Variants in SLC24A2 observed in about 807,000 individuals in gnomAD.
SLC24A2 encodes solute carrier family 24 member 2.
Under a neutral mutation model 62.0 loss-of-function variants are expected in SLC24A2, and 36 were observed. The ratio of observed to expected loss-of-function variants is 0.58; its 90% CI spans 0.44 to 0.77. The LOEUF is 0.77. Among genes scored for constraint, SLC24A2 ranks in the 30% least tolerant of loss-of-function variants. The pLI is 0.00. For missense variants in SLC24A2, 846 were observed against 817.9 expected (o/e 1.03, Z -0.42); for synonymous variants, 358 against 294.0 (o/e 1.22, Z -2.23).
chr9:20,082,248 T>A, the SLC24A2 span, among the ~76,000 whole-genome samples: 2 of 152,184 alleles, frequency 1.3e-5, no homozygotes, highest in African/African-American at 4.8e-5. Flanking sequence ...GCTACCGTAT[T>A]TTTTTGGGAT....
At chr9:19,995,619 T>G in the SLC24A2 span, among the ~76,000 whole-genome samples, 1 of 152,244 alleles carries the variant, frequency 6.6e-6, no homozygotes, top group Admixed American at 6.5e-5. Context: ...CTTTGAAGCA[T>G]TTAACACATT....
the SLC24A2 span, among the ~76,000 whole-genome samples, chr9:19,796,683 A>G: frequency 1.8e-4 from 27 of 152,200 alleles, no homozygotes; most frequent in Admixed American, 1.7e-3. Flanking sequence ...TTTTAAGGCA[A>G]TCCTTTCTTC....
At chr9:20,231,019 G>C in the SLC24A2 span, among the ~76,000 whole-genome samples, 1 of 152,052 alleles carries the variant, frequency 6.6e-6, no homozygotes, top group African/African-American at 2.4e-5. Flanking sequence ...GTTTTTGTCA[G>C]GTTTGTCAAA....
the SLC24A2 span, among the ~76,000 whole-genome samples, chr9:19,889,913 A>G: frequency 0.4 from 61,344 of 152,056 alleles, 12,945 homozygotes; most frequent in East Asian, 0.82. Context: ...TCTACCGACT[A>G]TCTCTTATCT....
At chr9:19,861,156 T>A in the SLC24A2 span, among the ~76,000 whole-genome samples, 6 of 152,132 alleles carry the variant, frequency 3.9e-5, no homozygotes. Context: ...TGGCTTTATG[T>A]GTGATCCAGT....
At chr9:19,553,056 G>A (rs1834921209) in intron 7 of SLC24A2, among the ~76,000 whole-genome samples, 1 of 152,104 alleles carries the variant, frequency 6.6e-6, no homozygotes, top group Non-Finnish European at 1.5e-5. Flanking sequence ...TCCTGCTACA[G>A]GGAAGTACAG....
intron 2 of SLC24A2, among the ~76,000 whole-genome samples, chr9:19,767,504 A>G (rs1202828314): frequency 6.6e-6 from 1 of 152,172 alleles, no homozygotes; most frequent in African/African-American, 2.4e-5. Flanking sequence ...TGGGCCAGAT[A>G]GCACTGTTCC....
the SLC24A2 span, among the ~76,000 whole-genome samples, chr9:19,901,953 C>T: frequency 2.0e-5 from 3 of 152,126 alleles, no homozygotes; most frequent in African/African-American, 7.2e-5. Flanking sequence ...ACATTGCTTA[C>T]CTTGAGGCCC....
At chr9:19,746,616 G>T (rs900938564) in intron 2 of SLC24A2, among the ~76,000 whole-genome samples, 24 of 152,132 alleles carry the variant, frequency 1.6e-4, no homozygotes, top group African/African-American at 5.8e-4. Context: ...TATTGATCCA[G>T]AGAATTATTT....
intron 2 of SLC24A2, among the ~76,000 whole-genome samples, chr9:19,622,548 A>T (rs1231629966): frequency 6.6e-6 from 1 of 152,214 alleles, no homozygotes; most frequent in Non-Finnish European, 1.5e-5. Flanking sequence ...ATGTCCAGCA[A>T]TACAGAGCAG....
chr9:20,081,016 T>C, the SLC24A2 span, among the ~76,000 whole-genome samples: 235 of 152,254 alleles, frequency 1.5e-3, 1 homozygote, highest in African/African-American at 5.6e-3. Context: ...AGGAACACTT[T>C]TACAATGTTG....
At chr9:19,924,447 A>T in the SLC24A2 span, among the ~76,000 whole-genome samples, 1 of 151,528 alleles carries the variant, frequency 6.6e-6, no homozygotes, top group African/African-American at 2.4e-5. Flanking sequence ...CTTGACTTAC[A>T]CCCCTTGTGG....
the SLC24A2 span, among the ~76,000 whole-genome samples, chr9:20,076,372 T>C: frequency 9.2e-5 from 14 of 152,266 alleles, no homozygotes; most frequent in African/African-American, 3.4e-4. Context: ...ACTCTCCTGG[T>C]GTGATGCTTT....
chr9:19,910,427 A>C, the SLC24A2 span, among the ~76,000 whole-genome samples: 2 of 152,136 alleles, frequency 1.3e-5, no homozygotes, highest in African/African-American at 4.8e-5. Context: ...TAGCTCCATT[A>C]AATCCACCTT....
chr9:19,683,753 C>G (rs1273781216), intron 2 of SLC24A2, among the ~76,000 whole-genome samples: 1 of 152,080 alleles, frequency 6.6e-6, no homozygotes, highest in Non-Finnish European at 1.5e-5. Flanking sequence ...ATAGCTAGAA[C>G]AGCTTTCTTG....
the SLC24A2 span, among the ~76,000 whole-genome samples, chr9:20,180,744 C>T: frequency 2.0e-5 from 3 of 152,184 alleles, no homozygotes; most frequent in African/African-American, 7.2e-5. Flanking sequence ...ACACACAAAC[C>T]TCCAAGCCAT....
chr9:19,964,186 A>C, the SLC24A2 span, among the ~76,000 whole-genome samples: 2 of 125,700 alleles, frequency 1.6e-5, no homozygotes, highest in African/African-American at 6.2e-5. Flanking sequence ...ACATGGACAC[A>C]GGAAGGGGAA....
intron 7 of SLC24A2, among the ~76,000 whole-genome samples, chr9:19,565,487 C>T (rs942115305): frequency 5.3e-5 from 8 of 150,998 alleles, no homozygotes; most frequent in African/African-American, 2.0e-4. Context: ...AATGGAAGAA[C>T]ATTCCATGCT....
chr9:19,689,078 T>C (rs1195216284), intron 2 of SLC24A2, among the ~76,000 whole-genome samples: 1 of 152,178 alleles, frequency 6.6e-6, no homozygotes, highest in African/African-American at 2.4e-5. Flanking sequence ...TTTTCCTAGT[T>C]GTTTTACTTT....
Sources: gnomAD v4.1 joint callset for allele counts (sites outside exome capture counted in the v4.1 genomes callset) on GRCh38, gnomAD v4.1.1 for gene constraint, MANE v1.5 for transcripts, NCBI Gene and HGNC (gene_info 2026-07-23, HGNC 2026-07-21) for gene names.